The following ZFHX3 variants were observed in gnomAD, a reference collection of about 807,000 sequenced individuals.
The protein encoded by ZFHX3 is zinc finger homeobox 3.
In ZFHX3, 42 loss-of-function variants were observed where a neutral mutation model predicts 279.1. That is an observed-to-expected ratio of 0.15 (90% CI 0.12 to 0.19). The LOEUF is 0.19. Among genes scored for constraint, ZFHX3 ranks in the 10% least tolerant of loss-of-function variants. ZFHX3 has a pLI of 1.00. For missense variants in ZFHX3, 4,981 were observed against 4,754.0 expected (o/e 1.05, Z -1.40); for synonymous variants, 2,293 against 1,957.8 (o/e 1.17, Z -4.52).
rs899251016 is a variant in ZFHX3, at chr16:72,788,444, T to A, written c.9832A>T (p.Thr3278Ser). The change falls in exon 10 of 10, where the codon ACC (threonine) becomes TCC (serine). Residue 3278 changes from threonine (T) to serine (S), a missense_variant. Coordinates refer to ENST00000268489, the MANE Select transcript of ZFHX3 (RefSeq NM_006885.4). ...GCAGGGTCTACCGCATACTCCATGG[T>A]GGGCAGCGGGGCTGAGATCGTGGCT... ...TAATISAPLP[T>S]MEYAVDPAQL... 1 of 1,614,058 alleles carries A rather than the reference T, an allele frequency of 6.2e-7. No individual in the cohort carries two copies. The highest frequency in any genetic ancestry group is 1.7e-5 in the Admixed American group (1 of 60,000).
intron 3 of ZFHX3, among the ~76,000 whole-genome samples, chr16:73,325,370 T>C (rs2015660745): frequency 6.6e-6 from 1 of 152,166 alleles, no homozygotes; most frequent in South Asian, 2.1e-4. Context: ...AAGACAGATG[T>C]GTGGGTAAAT....
At chr16:73,620,572 A>G (rs2052349162) in intron 2 of ZFHX3, among the ~76,000 whole-genome samples, 2 of 152,220 alleles carry the variant, frequency 1.3e-5, no homozygotes, top group Non-Finnish European at 2.9e-5. Flanking sequence ...TACTTTCAGA[A>G]TTGATGCAGT....
intron 3 of ZFHX3, among the ~76,000 whole-genome samples, chr16:72,897,010 C>T (rs1352802269): frequency 2.0e-5 from 3 of 152,262 alleles, no homozygotes; most frequent in Non-Finnish European, 4.4e-5. Context: ...AGAGCAGCCC[C>T]TCTGAGCCAG....
At position 73,404,587 on chromosome 16, in the gene ZFHX3, T is replaced by C. The variant is rs563467836; in HGVS notation, c.-1291+51416A>G. Among the ~76,000 whole-genome samples the C allele has an allele frequency of 1.1e-4, 17 of 152,354 alleles. No individual in the cohort carries two copies. The East Asian group carries it at 3.3e-3, about 29-fold the overall frequency. On this transcript the variant is annotated intron_variant, in intron 3 of 17. Coordinates refer to the ZFHX3 transcript ENST00000641206. ...CTAATTGCCATTATTGTTGTTGGTA[T>C]CATTATTGTTAATAGATGCCATCTG...
At chr16:73,707,729 T>C (rs1462496598) in intron 1 of ZFHX3, among the ~76,000 whole-genome samples, 3 of 145,468 alleles carry the variant, frequency 2.1e-5, no homozygotes, top group Admixed American at 7.2e-5. Flanking sequence ...ACCCTAAAAC[T>C]TAAAGTATAA....
At chr16:72,937,592 C>A (rs1374583221) in intron 3 of ZFHX3, among the ~76,000 whole-genome samples, 1 of 152,198 alleles carries the variant, frequency 6.6e-6, no homozygotes, top group Non-Finnish European at 1.5e-5. Context: ...TGGGTGCCAG[C>A]CCCCATGGAG....
intron 2 of ZFHX3, among the ~76,000 whole-genome samples, chr16:73,561,319 T>C (rs1052559493): frequency 3.9e-5 from 6 of 152,332 alleles, no homozygotes; most frequent in Non-Finnish European, 7.4e-5. Flanking sequence ...AATATCTGCA[T>C]TTATGAATTT....
At chr16:72,801,529 G>T (rs2036099222) in intron 7 of ZFHX3, among the ~76,000 whole-genome samples, 1 of 152,032 alleles carries the variant, frequency 6.6e-6, no homozygotes, top group Non-Finnish European at 1.5e-5. Context: ...CACACTTAGG[G>T]GTATTAGAAT....
rs1259099772 is a variant in ZFHX3, at chr16:72,795,513, G to C, written c.7169C>G (p.Ala2390Gly). 2 of 1,614,052 alleles carry C rather than the reference G, an allele frequency of 1.2e-6. No homozygotes were observed. Among genetic ancestry groups the C allele is most frequent in the East Asian group, 2.2e-5 (1 of 44,886 alleles). The change falls in exon 9 of 10, where the codon GCT (alanine) becomes GGT (glycine). Residue 2390 changes from alanine to glycine, a missense_variant. Ala to Gly is a moderately conservative substitution (Grantham distance 60, BLOSUM62 0). Around this residue, in one of 7 missense-constraint regions of ZFHX3, gnomAD observed 744 missense variants for 701.3 expected, o/e 1.06. Transcript: ENST00000268489. ...GGCTGATGGTGCTGGGGCGCTGTAA[G>C]CCTGTGAGGGCATCGGGGTACTGCA... ...SSCSTPMPSQAYSAPAPSANN... is the reference protein window; with the variant it reads ...SSCSTPMPSQGYSAPAPSANN...
At chr16:73,297,032 C>G (rs983487484) in intron 4 of ZFHX3, among the ~76,000 whole-genome samples, 1 of 151,736 alleles carries the variant, frequency 6.6e-6, no homozygotes, top group Non-Finnish European at 1.5e-5. Context: ...CGCCCACCAC[C>G]CTGCCCGGCT....
At chr16:73,498,992 A>G (rs2019189201) in intron 2 of ZFHX3, among the ~76,000 whole-genome samples, 1 of 152,178 alleles carries the variant, frequency 6.6e-6, no homozygotes, top group South Asian at 2.1e-4. Context: ...CATTCCCCAA[A>G]ATGTGTGAAC....
At chr16:73,230,090 G>A (rs2012727190) in intron 5 of ZFHX3, among the ~76,000 whole-genome samples, 1 of 152,196 alleles carries the variant, frequency 6.6e-6, no homozygotes, top group Non-Finnish European at 1.5e-5. Context: ...GATATTCATA[G>A]ATCAATACAT....
At chr16:73,862,249 T>A (rs1178417669) in intron 1 of ZFHX3, among the ~76,000 whole-genome samples, 1 of 152,224 alleles carries the variant, frequency 6.6e-6, no homozygotes, top group East Asian at 1.9e-4. Flanking sequence ...GAAGCCCAAC[T>A]TGGGCTTCTC....
At chr16:73,318,437 G>A (rs946308995) in intron 3 of ZFHX3, 1 of 152,102 alleles carries the variant, frequency 6.6e-6, no homozygotes, top group Non-Finnish European at 1.5e-5. Flanking sequence ...ATACAGTGTA[G>A]AGCACTGTTT....
chr16:73,629,231 C>T (rs1189062935), intron 2 of ZFHX3, among the ~76,000 whole-genome samples: 4 of 152,184 alleles, frequency 2.6e-5, no homozygotes, highest in Admixed American at 6.5e-5. Context: ...GCTGCACACT[C>T]GCTTCCAACC....
At chr16:73,674,772 C>A (rs2052937683) in intron 2 of ZFHX3, among the ~76,000 whole-genome samples, 1 of 152,052 alleles carries the variant, frequency 6.6e-6, no homozygotes, top group Admixed American at 6.6e-5. Flanking sequence ...GCTTTAGAAA[C>A]CCTCAGATAT....
rs1329672942 is a variant in ZFHX3, at chr16:73,784,810, T to TACACAC, written c.-1607-104571_-1607-104570insGTGTGT. 3.8e-3 allele frequency among the ~76,000 whole-genome samples: 519 copies of TACACAC among 137,824 alleles called. 5 individuals carry two copies. Among genetic ancestry groups the TACACAC allele is most frequent in the African/African-American group, 0.013 (475 of 36,736 alleles). The allele number at this position is 137,824 out of a possible 152,430, so 90.4% of individuals were successfully genotyped here. A position where few individuals can be genotyped will look rare whatever the true frequency, so the allele number is the denominator to read the frequency against. On this transcript the variant is annotated intron_variant, in intron 1 of 17. Transcript: ENST00000641206. The stretch of plus-strand genomic sequence containing the variant: ...ATAAAAAAAAAAATATATATATATA[T>TACACAC]ATATATACACACACACACACACACA...
chr16:73,136,122 CT>C (rs1191976980), intron 6 of ZFHX3, among the ~76,000 whole-genome samples: 1 of 152,178 alleles, frequency 6.6e-6, no homozygotes. Flanking sequence ...TCCTAAAGTG[CT>C]GGGATTACAG....
rs763833481 is a variant in ZFHX3, at chr16:72,787,689, G to C, written c.10587C>G (p.Tyr3529Ter). The change falls in exon 10 of 10, where the codon TAC becomes TAG. Residue 3529 changes from tyrosine (Y) to a stop codon, truncating the protein, a stop_gained. Transcript: ENST00000268489. LOFTEE classifies it high-confidence loss of function. ...GCGCGCTCTCGCACGCCAGGCAGTG[G>C]TACGAGCCGCCGCCGCCGCCGCCGC... Reference protein sequence around the residue: ...GGGGGGGGGSYHCLACESALC... With the variant: ...GGGGGGGGGS The C allele has an allele frequency of 2.7e-6, 4 of 1,454,682 alleles. No homozygotes were observed. Among genetic ancestry groups the C allele is most frequent in the Non-Finnish European group, 3.6e-6 (4 of 1,099,112 alleles). 90.1% of individuals were successfully genotyped at this position (1,454,682 alleles called of 1,614,324 possible).
Sources: gnomAD v4.1 joint callset for allele counts (sites outside exome capture counted in the v4.1 genomes callset) on GRCh38, gnomAD v4.1.1 for gene constraint, gnomAD v4.1.1 regional missense constraint, MANE v1.5 for transcripts, NCBI Gene and HGNC (gene_info 2026-07-23, HGNC 2026-07-21) for gene names.